Variants in BAALC observed in about 807,000 individuals in gnomAD.
BAALC encodes the protein BAALC binder of MAP3K1 and KLF4, also known as brain and acute leukemia cytoplasmic protein.
BAALC carries 9 observed loss-of-function variants against 15.5 expected under a neutral mutation model. The observed-to-expected ratio is 0.58, with a 90% CI of 0.35 to 1.02. The LOEUF is 1.02. Ranked by LOEUF, BAALC falls within the 50% of genes least tolerant of loss-of-function variation. The pLI, the probability that BAALC is intolerant of heterozygous loss-of-function variation, is 0.02. For missense variants in BAALC, 201 were observed against 192.4 expected, an observed-to-expected ratio of 1.04 and a Z score of -0.27; for synonymous variants, 80 against 74.6, an observed-to-expected ratio of 1.07 and a Z score of -0.37.
chr8:103,206,000 G>T (rs1225192330), intron 1 of BAALC, among the ~76,000 whole-genome samples: 1 of 152,058 alleles, frequency 6.6e-6, no homozygotes, highest in African/African-American at 2.4e-5. Flanking sequence ...ACCCCAATAG[G>T]GTTGCCAGAT....
At chr8:103,204,573 T>C (rs1325721861) in intron 1 of BAALC, among the ~76,000 whole-genome samples, 1 of 152,224 alleles carries the variant, frequency 6.6e-6, no homozygotes, top group Non-Finnish European at 1.5e-5. Flanking sequence ...AGATCTTTGA[T>C]CCTTTTGACT....
intron 1 of BAALC, among the ~76,000 whole-genome samples, chr8:103,209,831 AT>A (rs1812413167): frequency 6.6e-6 from 1 of 152,224 alleles, no homozygotes; most frequent in Non-Finnish European, 1.5e-5. Context: ...TGCTATAGAA[AT>A]TTGTAAATGC....
rs182732399 is a variant in BAALC at position 103,150,330 on chromosome 8, T to C, written c.160+9273T>C. Among the ~76,000 whole-genome samples the C allele has an allele frequency of 7.7e-5, 9 of 116,306 alleles. No individual in the cohort carries two copies. In the East Asian group the frequency reaches 4.6e-3, roughly 60 times the overall value. 76.3% of individuals were successfully genotyped at this position (116,306 alleles called of 152,430 possible). On this transcript the variant is annotated intron_variant, in intron 1 of 2. Coordinates refer to ENST00000309982, the MANE Select transcript of BAALC (RefSeq NM_024812.3). The stretch of plus-strand genomic sequence containing the variant: ...AAACCATATCATGGATATAGAAACA[T>C]GGCTGTGTGTGTGTGTGTGTGTCTG...
chr8:103,150,209 C>G (rs907562469), intron 1 of BAALC, among the ~76,000 whole-genome samples: 3 of 152,144 alleles, frequency 2.0e-5, no homozygotes, highest in African/African-American at 7.2e-5. Flanking sequence ...AAAGACTCAC[C>G]CCCATGATTC....
intron 1 of BAALC, among the ~76,000 whole-genome samples, chr8:103,207,121 C>T (rs1204687034): frequency 6.6e-6 from 1 of 152,122 alleles, no homozygotes; most frequent in African/African-American, 2.4e-5. Flanking sequence ...GTGTGTGGAT[C>T]TGGGCAGGCA....
Position 103,176,365 on chromosome 8 carries a change from A to C in BAALC, c.160+35308A>C, listed in dbSNP as rs547088917. 1.1e-3 allele frequency among the ~76,000 whole-genome samples: 163 copies of C among 152,300 alleles called. 2 individuals are homozygous for C. Among genetic ancestry groups the C allele is most frequent in the Admixed American group, 4.3e-3 (66 of 15,290 alleles). On this transcript the variant is annotated intron_variant, in intron 1 of 2. Coordinates refer to ENST00000309982, the MANE Select transcript of BAALC (RefSeq NM_024812.3). ...GAATATAATAGTGACAAAAAAACCCAAAAATTCTTGCCCTCATGCTTAAAG... is the reference window on the plus strand; with the variant it reads ...GAATATAATAGTGACAAAAAAACCCCAAAATTCTTGCCCTCATGCTTAAAG...
chr8:103,204,502 G>A (rs1451816964), intron 1 of BAALC, among the ~76,000 whole-genome samples: 1 of 152,162 alleles, frequency 6.6e-6, no homozygotes, highest in Non-Finnish European at 1.5e-5. Flanking sequence ...ATAATCCAAG[G>A]TCATGAAGAC....
At chr8:103,223,875 C>T (rs1812737670) in intron 2 of BAALC, among the ~76,000 whole-genome samples, 1 of 152,156 alleles carries the variant, frequency 6.6e-6, no homozygotes, top group African/African-American at 2.4e-5. Flanking sequence ...CTGGAAAGCC[C>T]TCTTACCTCC....
chr8:103,200,551 T>C (rs1177711678), intron 1 of BAALC: 2 of 450,920 alleles, frequency 4.4e-6, no homozygotes, highest in Non-Finnish European at 8.0e-6. Context: ...CCAAAAATAA[T>C]TCAACCAAAG....
At chr8:103,192,153 G>A (rs535875218) in intron 1 of BAALC, among the ~76,000 whole-genome samples, 1 of 152,324 alleles carries the variant, frequency 6.6e-6, no homozygotes, top group Non-Finnish European at 1.5e-5. Context: ...CCGGGTTCAA[G>A]CGATTCTCCT....
chr8:103,174,926 A>C (rs1038044138), intron 1 of BAALC, among the ~76,000 whole-genome samples: 2 of 152,140 alleles, frequency 1.3e-5, no homozygotes, highest in Non-Finnish European at 2.9e-5. Flanking sequence ...AGTCCCCCAA[A>C]TTCTGGGGCA....
At chr8:103,191,826 C>G (rs1811974416) in intron 1 of BAALC, among the ~76,000 whole-genome samples, 1 of 152,098 alleles carries the variant, frequency 6.6e-6, no homozygotes, top group Non-Finnish European at 1.5e-5. Flanking sequence ...AGATTTCTCA[C>G]AAGAAAAAAG....
At chr8:103,185,105 G>A (rs1010836492) in intron 1 of BAALC, among the ~76,000 whole-genome samples, 2 of 151,958 alleles carry the variant, frequency 1.3e-5, no homozygotes, top group Admixed American at 1.3e-4. Flanking sequence ...GTACCAGGCA[G>A]CTTTCTGCTT....
chr8:103,143,484 T>C lies in BAALC; in HGVS notation c.160+2427T>C, dbSNP rs559079224. Among the ~76,000 whole-genome samples, 22 of 152,280 alleles carry C rather than the reference T, an allele frequency of 1.4e-4. 1 individual carries two copies. The South Asian group carries it at 4.4e-3, about 30-fold the overall frequency. On this transcript the variant is annotated intron_variant, in intron 1 of 2. Coordinates refer to ENST00000309982, the MANE Select transcript of BAALC (RefSeq NM_024812.3). Reference sequence around the variant, plus strand: ...CCAGTAGATTCAGGAGAGTCCAGACTGTGAAATCAACAAAAATGGCTTCAC... The same window carrying C: ...CCAGTAGATTCAGGAGAGTCCAGACCGTGAAATCAACAAAAATGGCTTCAC...
At chr8:103,206,004 G>A (rs114299415) in intron 1 of BAALC, among the ~76,000 whole-genome samples, 1 of 152,162 alleles carries the variant, frequency 6.6e-6, no homozygotes, top group African/African-American at 2.4e-5. Flanking sequence ...CAATAGGGTT[G>A]CCAGATAAAA....
At position 103,168,110 on chromosome 8, in the gene BAALC, C is replaced by T. The variant is rs538657002; in HGVS notation, c.160+27053C>T. On this transcript the variant is annotated intron_variant, in intron 1 of 2. Coordinates refer to ENST00000309982, the MANE Select transcript of BAALC (RefSeq NM_024812.3). ...TGTGGTAACCACCAGCTCTACCGGGCTATATACCACATGAATAAAATTTAG... is the reference window on the plus strand; with the variant it reads ...TGTGGTAACCACCAGCTCTACCGGGTTATATACCACATGAATAAAATTTAG... Among the ~76,000 whole-genome samples the T allele has an allele frequency of 5.9e-5, 9 of 152,284 alleles. No individual in the cohort carries two copies. In the South Asian group the frequency reaches 1.9e-3, roughly 32 times the overall value.
chr8:103,187,120 C>T (rs1325607114), intron 1 of BAALC, among the ~76,000 whole-genome samples: 2 of 152,258 alleles, frequency 1.3e-5, no homozygotes, highest in East Asian at 1.9e-4. Flanking sequence ...CCCCCTCCCT[C>T]GATGTTCTTC....
At chr8:103,208,522 T>G (rs1243371270) in intron 1 of BAALC, 3 of 152,246 alleles carry the variant, frequency 2.0e-5, no homozygotes, top group African/African-American at 7.2e-5. Context: ...TTGGCAGGGA[T>G]AGCTTCACGA....
At chr8:103,170,674 T>G (rs1481343222) in intron 1 of BAALC, among the ~76,000 whole-genome samples, 2 of 152,234 alleles carry the variant, frequency 1.3e-5, no homozygotes, top group African/African-American at 4.8e-5. Flanking sequence ...AATTTCAGAC[T>G]TCTAGCTCCC....
Sources: gnomAD v4.1 joint callset for allele counts (sites outside exome capture counted in the v4.1 genomes callset) on GRCh38, gnomAD v4.1.1 for gene constraint, MANE v1.5 for transcripts, NCBI Gene and HGNC (gene_info 2026-07-23, HGNC 2026-07-21) for gene names.